Variants in WTIP observed in about 807,000 individuals in gnomAD.
WTIP encodes the protein WT1 interacting protein.
WTIP carries 23 observed loss-of-function variants against 41.7 expected under a neutral mutation model. That is an observed-to-expected ratio of 0.55 (90% CI 0.40 to 0.78). The LOEUF (loss-of-function observed/expected upper bound fraction) is 0.78, where lower values mean the gene tolerates loss of function less well. WTIP is among the 30% of genes least tolerant of loss of function. The pLI, the probability that WTIP is intolerant of heterozygous loss-of-function variation, is 0.00. For synonymous variants in WTIP, 314 were observed against 269.9 expected, an observed-to-expected ratio of 1.16 and a Z score of -1.60; for missense variants, 619 against 610.5, an observed-to-expected ratio of 1.01 and a Z score of -0.15.
chr19:34,494,778 ATG>A, intron 6 of WTIP, 141 bp downstream of exon 6: 1 of 855,576 alleles, frequency 1.2e-6, no homozygotes, highest in Non-Finnish European at 1.8e-6. Context: ...GGGCTGAGGG[ATG>A]TGTGTTGTGC....
chr19:34,489,594 A>G (rs2075815351), intron 1 of WTIP, among the ~76,000 whole-genome samples: 1 of 151,072 alleles, frequency 6.6e-6, no homozygotes, highest in South Asian at 2.1e-4. Flanking sequence ...ATTTTCCCTC[A>G]GTCCAAGAGC....
chr19:34,495,141 A>G (rs950717230), intron 6 of WTIP, among the ~76,000 whole-genome samples: 4 of 152,224 alleles, frequency 2.6e-5, no homozygotes, highest in Non-Finnish European at 1.5e-5. Flanking sequence ...CACGCCTGTA[A>G]TCCCAGCACT....
intron 1 of WTIP, 107 bp from the exon 2 acceptor site, chr19:34,490,269 T>C (rs1599955293): frequency 9.9e-7 from 1 of 1,014,250 alleles, no homozygotes; most frequent in Non-Finnish European, 1.5e-6. Context: ...CTAGGAAAGT[T>C]AGCATCCCCC....
chr19:34,489,637 C>G (rs1409172905), intron 1 of WTIP, among the ~76,000 whole-genome samples: 3 of 151,564 alleles, frequency 2.0e-5, no homozygotes, highest in African/African-American at 7.3e-5. Context: ...AAGCAACTGT[C>G]TTGGTATAAA....
Position 34,493,040 on chromosome 19 carries a change from G to C in WTIP, c.773G>C (p.Arg258Thr). 2 of 1,613,954 alleles carry C rather than the reference G, an allele frequency of 1.2e-6. No individual in the cohort carries two copies. Among genetic ancestry groups the C allele is most frequent in the Non-Finnish European group, 1.7e-6 (2 of 1,179,874 alleles). Residue 258 changes from arginine to threonine, a missense_variant, in exon 3 of 8, where the codon AGA becomes ACA. This residue lies in a region of WTIP where 164 missense variants were observed against 219.1 expected (regional missense o/e 0.75). Coordinates refer to ENST00000590071, the MANE Select transcript of WTIP (RefSeq NM_001080436.2). This position sits in a 1 kb window ranked among gnomAD's most constrained non-coding sequence, Gnocchi z 4.1. ...CTCTCAACCCTCACCCTTGCAGGGA[G>C]ACGACTCCGTGGGAAGGCGTTCTAC... The part of the protein sequence containing the change: ...TDCFTCDSCG[R>T]RLRGKAFYNV...
chr19:34,484,398 A>G (rs890251974), intron 1 of WTIP, among the ~76,000 whole-genome samples: 1 of 151,892 alleles, frequency 6.6e-6, no homozygotes, highest in East Asian at 1.9e-4. Flanking sequence ...GTGGGCTAAG[A>G]GGAGGTGCGC....
chr19:34,492,490 A>T (rs2075830570), intron 2 of WTIP, among the ~76,000 whole-genome samples: 1 of 143,744 alleles, frequency 7.0e-6, no homozygotes, highest in Non-Finnish European at 1.5e-5. Flanking sequence ...ACCCTGTCTT[A>T]AAAAAAAAAA....
In WTIP at chr19:34,481,784, G is replaced by C. The variant is rs949352479; in HGVS notation, c.-191G>C. The C allele has an allele frequency of 5.5e-5, 9 of 164,264 alleles. No homozygotes were observed. Among genetic ancestry groups the C allele is most frequent in the Non-Finnish European group, 9.9e-5 (8 of 80,580 alleles). 10.2% of individuals were successfully genotyped at this position (164,264 alleles called of 1,614,324 possible). ...ATTCCTCCGCCGCGCGCGCCGCCGA[G>C]CAGGGCGCCGCGTCCCCCGGCCCGC... is the stretch of plus-strand genomic sequence containing the variant. On this transcript the variant is annotated 5_prime_UTR_variant, in exon 1 of 8. Coordinates refer to ENST00000590071, the MANE Select transcript of WTIP (RefSeq NM_001080436.2).
chr19:34,495,331 A>C (rs2075847251), intron 6 of WTIP, among the ~76,000 whole-genome samples: 1 of 152,152 alleles, frequency 6.6e-6, no homozygotes, highest in African/African-American at 2.4e-5. Flanking sequence ...CAGGAGTTTG[A>C]GGCCGCAGTG....
At chr19:34,498,001 A>C (rs1248456231) in intron 7 of WTIP, among the ~76,000 whole-genome samples, 1 of 151,926 alleles carries the variant, frequency 6.6e-6, no homozygotes, top group Non-Finnish European at 1.5e-5. Flanking sequence ...GGGGACTGAT[A>C]CCTCCGGGAC....
In WTIP at chr19:34,493,400, C is replaced by G. The variant is rs763846734; in HGVS notation, c.900+75C>G. 1 of 1,592,302 alleles carries G rather than the reference C, an allele frequency of 6.3e-7. No individual in the cohort carries two copies. On this transcript the variant is annotated intron_variant, in intron 4 of 7. Coordinates refer to ENST00000590071, the MANE Select transcript of WTIP (RefSeq NM_001080436.2). The surrounding 1 kb of genome is among the most constrained non-coding windows in gnomAD (Gnocchi z 4.1). ...TGAGGACTCTACCGTCTCCCCTGCT[C>G]CAGACCTGCCAGGGGTTCAGGGCCA...
At chr19:34,488,596 G>A (rs1294626172) in intron 1 of WTIP, among the ~76,000 whole-genome samples, 1 of 148,816 alleles carries the variant, frequency 6.7e-6, no homozygotes, top group Non-Finnish European at 1.5e-5. Context: ...GGAACTCTTC[G>A]GCTCAAGTGA....
intron 7 of WTIP, among the ~76,000 whole-genome samples, chr19:34,498,893 A>T (rs1277015550): frequency 6.7e-6 from 1 of 148,718 alleles, no homozygotes; most frequent in African/African-American, 2.5e-5. Flanking sequence ...CTCTGTCTCA[A>T]AAAAAACAAA....
chr19:34,500,569 C>G lies in WTIP; in HGVS notation c.*300C>G, dbSNP rs1042595526. 6 of 344,436 alleles carry G rather than the reference C, an allele frequency of 1.7e-5. No homozygotes were observed. The highest frequency in any genetic ancestry group is 4.5e-5 in the Admixed American group (1 of 22,286). 21.3% of individuals were successfully genotyped at this position (344,436 alleles called of 1,614,324 possible). A position where few individuals can be genotyped will look rare whatever the true frequency, so the allele number is the denominator to read the frequency against. On this transcript the variant is annotated 3_prime_UTR_variant, in exon 8 of 8. Coordinates refer to ENST00000590071, the MANE Select transcript of WTIP (RefSeq NM_001080436.2). ...TCACCAGGCTGGAGAGGGCCCCTGCCTTGGCCAGGGGTGCGAGGTGACCCG... is the reference window on the plus strand; with the variant it reads ...TCACCAGGCTGGAGAGGGCCCCTGCGTTGGCCAGGGGTGCGAGGTGACCCG...
rs1480655079 is a variant in WTIP, at chr19:34,509,515, G to A, written c.*9246G>A. The A allele has an allele frequency of 6.6e-6, 1 of 152,230 alleles. No individual in the cohort carries two copies. Among genetic ancestry groups the A allele is most frequent in the Non-Finnish European group, 1.5e-5 (1 of 68,056 alleles). 9.4% of individuals were successfully genotyped at this position (152,230 alleles called of 1,614,324 possible). A position where few individuals can be genotyped will look rare whatever the true frequency, so the allele number is the denominator to read the frequency against. ...AAAATGTGGGAATTAAGGGAGTACA[G>A]TTCAAGATGAGATTTGGGTGGAGAC... is the stretch of plus-strand genomic sequence containing the variant. On this transcript the variant is annotated 3_prime_UTR_variant, in exon 8 of 8. Transcript: ENST00000590071.
Position 34,509,995 on chromosome 19 carries a change from G to C in WTIP, c.*9726G>C, listed in dbSNP as rs531699571. On this transcript the variant is annotated 3_prime_UTR_variant, in exon 8 of 8. Coordinates refer to ENST00000590071, the MANE Select transcript of WTIP (RefSeq NM_001080436.2). ...TTTGCAGGGCATAGCTCCCCTGCTGGCTTCTTTCATGGGCTGGCATTGAGT... is the reference window on the plus strand; with the variant it reads ...TTTGCAGGGCATAGCTCCCCTGCTGCCTTCTTTCATGGGCTGGCATTGAGT... 5 of 152,322 alleles carry C rather than the reference G, an allele frequency of 3.3e-5. No homozygotes were observed. Among genetic ancestry groups the C allele is most frequent in the African/African-American group, 1.2e-4 (5 of 41,562 alleles). 9.4% of individuals were successfully genotyped at this position (152,322 alleles called of 1,614,324 possible). A position where few individuals can be genotyped will look rare whatever the true frequency, so the allele number is the denominator to read the frequency against.
intron 1 of WTIP, among the ~76,000 whole-genome samples, chr19:34,486,335 G>T (rs1197514158): frequency 3.3e-5 from 5 of 150,606 alleles, no homozygotes; most frequent in African/African-American, 1.2e-4. Context: ...AGGTCTTCCT[G>T]TCACCACTGA....
chr19:34,482,103 C>T lies in WTIP; in HGVS notation c.129C>T (p.Asp43=), dbSNP rs1467503964. 9.6e-7 allele frequency: 1 copy of T among 1,043,100 alleles called. No homozygotes were observed. The allele number at this position is 1,043,100 out of a possible 1,614,324, so 64.6% of individuals were successfully genotyped here. ...GRRGPRPGPG[D]EAAPALGRRG... ...GGGGGCCGCGGCCTGGGCCTGGAGA[C>T]GAGGCGGCGCCCGCGCTGGGCCGCA... is the stretch of plus-strand genomic sequence containing the variant. Residue 43 remains aspartate (D), a synonymous_variant, in exon 1 of 8, where the codon GAC becomes GAT. Transcript: ENST00000590071.
chr19:34,503,424 T>C lies in WTIP; in HGVS notation c.*3155T>C, dbSNP rs975508318. The C allele has an allele frequency of 6.6e-6, 1 of 152,362 alleles. No individual in the cohort carries two copies. The highest frequency in any genetic ancestry group is 1.5e-5 in the Non-Finnish European group (1 of 68,116). The allele number at this position is 152,362 out of a possible 1,614,324, so 9.4% of individuals were successfully genotyped here. A position where few individuals can be genotyped will look rare whatever the true frequency, so the allele number is the denominator to read the frequency against. On this transcript the variant is annotated 3_prime_UTR_variant, in exon 8 of 8. Transcript: ENST00000590071. ...TTGGCCTCTGCTCTCCAAGCTCATTTGCCAACAGCAGTATCTCCATTTCAT... is the reference window on the plus strand; with the variant it reads ...TTGGCCTCTGCTCTCCAAGCTCATTCGCCAACAGCAGTATCTCCATTTCAT...
Sources: allele counts gnomAD v4.1 joint callset (sites outside exome capture counted in the v4.1 genomes callset), GRCh38; gene constraint gnomAD v4.1.1; regional missense constraint gnomAD v4.1.1; non-coding constraint Gnocchi (gnomAD v3.1); transcripts MANE v1.5; gene names NCBI Gene and HGNC (gene_info 2026-07-23, HGNC 2026-07-21).